Variants in ADAMTS9 observed in about 807,000 individuals in gnomAD.
The protein encoded by ADAMTS9 is A disintegrin and metalloproteinase with thrombospondin motifs 9.
A neutral mutation model predicts 257.1 loss-of-function variants in ADAMTS9; 107 were observed. The ratio of observed to expected loss-of-function variants is 0.42; its 90% CI spans 0.36 to 0.49. ADAMTS9 has a LOEUF of 0.49. Ranked by LOEUF, ADAMTS9 falls within the 20% of genes least tolerant of loss-of-function variation. The pLI, the probability that ADAMTS9 is intolerant of heterozygous loss-of-function variation, is 0.03. For missense variants in ADAMTS9, 2,353 were observed against 2,469.1 expected, an observed-to-expected ratio of 0.95 and a Z score of 1.00; for synonymous variants, 982 against 880.9, an observed-to-expected ratio of 1.11 and a Z score of -2.03.
intron 37 of ADAMTS9, among the ~76,000 whole-genome samples, chr3:64,537,806 T>A (rs1193448736): frequency 6.6e-6 from 1 of 152,216 alleles, no homozygotes; most frequent in Non-Finnish European, 1.5e-5. Flanking sequence ...ACTGGCCAAG[T>A]TCTCCTGCCC....
chr3:64,543,393 G>T (rs1208640951), intron 32 of ADAMTS9, among the ~76,000 whole-genome samples: 4 of 152,160 alleles, frequency 2.6e-5, no homozygotes, highest in Admixed American at 1.3e-4. Flanking sequence ...ACCGAATCCA[G>T]CAGCACATCA....
chr3:64,619,287 G>A (rs1559794984), intron 19 of ADAMTS9, among the ~76,000 whole-genome samples: 1 of 152,194 alleles, frequency 6.6e-6, no homozygotes, highest in East Asian at 1.9e-4. Context: ...AAGCAAGGTA[G>A]GGAACAGGGA....
intron 3 of ADAMTS9, among the ~76,000 whole-genome samples, chr3:64,662,842 T>C (rs531694051): frequency 6.6e-6 from 1 of 152,264 alleles, no homozygotes; most frequent in South Asian, 2.1e-4. Flanking sequence ...CAAAACTTTT[T>C]AAATGCTGAC....
chr3:64,646,721 C>A (rs150392160), intron 11 of ADAMTS9, among the ~76,000 whole-genome samples: 1 of 152,144 alleles, frequency 6.6e-6, no homozygotes, highest in South Asian at 2.1e-4. Flanking sequence ...TCCTCAGGAT[C>A]CTTTAACACT....
At chr3:64,545,394 G>A (rs1350781680) in intron 32 of ADAMTS9, among the ~76,000 whole-genome samples, 9 of 152,212 alleles carry the variant, frequency 5.9e-5, no homozygotes, top group Admixed American at 6.5e-5. Flanking sequence ...CTAAGAAAAT[G>A]TGGCACATAT....
intron 28 of ADAMTS9, among the ~76,000 whole-genome samples, chr3:64,585,187 TG>T (rs945532163): frequency 6.6e-5 from 10 of 152,182 alleles, no homozygotes; most frequent in Admixed American, 3.3e-4. Flanking sequence ...TCACTTAAAA[TG>T]TGTTGGCTCT....
At chr3:64,646,483 A>G (rs1475532569) in intron 11 of ADAMTS9, among the ~76,000 whole-genome samples, 2 of 152,168 alleles carry the variant, frequency 1.3e-5, no homozygotes, top group African/African-American at 4.8e-5. Context: ...CCAAAGAGAT[A>G]TATTTCCCTT....
rs545358167 is a variant in ADAMTS9, at chr3:64,637,248, A to G, written c.1857-3369T>C. On this transcript the variant is annotated intron_variant, in intron 12 of 39. Coordinates refer to ENST00000498707, the MANE Select transcript of ADAMTS9 (RefSeq NM_182920.2). Reference sequence around the variant, plus strand: ...TCATCTTTCAGCATGGAAAAAAATCATTTTATAATTTAATTATTTAGCTGA... The same window carrying G: ...TCATCTTTCAGCATGGAAAAAAATCGTTTTATAATTTAATTATTTAGCTGA... 3.3e-5 allele frequency among the ~76,000 whole-genome samples: 5 copies of G among 152,352 alleles called. No individual in the cohort carries two copies. The South Asian group carries it at 1.0e-3, about 32-fold the overall frequency.
intron 28 of ADAMTS9, among the ~76,000 whole-genome samples, chr3:64,570,813 G>C (rs765506768): frequency 1.3e-5 from 2 of 151,926 alleles, no homozygotes; most frequent in African/African-American, 2.4e-5. Flanking sequence ...TTCTGGTTTG[G>C]GCAATTGGGT....
rs146475791 is a variant in ADAMTS9, at chr3:64,645,797, T to C, written c.1710+2143A>G. Among the ~76,000 whole-genome samples the C allele has an allele frequency of 5.8e-3, 882 of 152,314 alleles. 12 individuals carry two copies. The highest frequency in any genetic ancestry group is 0.02 in the African/African-American group (835 of 41,564). On this transcript the variant is annotated intron_variant, in intron 11 of 39. Transcript: ENST00000498707. ...GGAATGCCTTGAAGGCTCCTGCTCT[T>C]GCTACAAGCACACCCACTTGCTTGT... is the stretch of plus-strand genomic sequence containing the variant.
intron 4 of ADAMTS9, among the ~76,000 whole-genome samples, chr3:64,656,833 G>C (rs1701085980): frequency 6.6e-6 from 1 of 151,890 alleles, no homozygotes. Context: ...AAAAGGCAAG[G>C]AGTACCATAG....
At position 64,622,567 on chromosome 3, in the gene ADAMTS9, A is replaced by T. The variant is rs747826924; in HGVS notation, c.2409T>A (p.Gly803=). The T allele has an allele frequency of 1.4e-5, 23 of 1,613,940 alleles. No individual in the cohort carries two copies. Among genetic ancestry groups the T allele is most frequent in the Non-Finnish European group, 1.9e-5 (23 of 1,179,970 alleles). Residue 803 remains glycine, a synonymous_variant, in exon 17 of 40, where the codon GGT becomes GGA. Coordinates refer to ENST00000498707, the MANE Select transcript of ADAMTS9 (RefSeq NM_182920.2). ...DNYLALSSSK[G]EFLLNGNFVV... is the part of the protein sequence containing the mutation. ...CAAAGTTTCCATTTAGCAAGAATTCACCTTTACTGCTTGATAAAGCTGTAG... is the reference window on the plus strand; with the variant it reads ...CAAAGTTTCCATTTAGCAAGAATTCTCCTTTACTGCTTGATAAAGCTGTAG...
At chr3:64,645,470 A>G (rs1700765456) in intron 11 of ADAMTS9, among the ~76,000 whole-genome samples, 1 of 152,188 alleles carries the variant, frequency 6.6e-6, no homozygotes, top group Non-Finnish European at 1.5e-5. Flanking sequence ...GAAAGAAGAA[A>G]AAGAAAGAAA....
intron 16 of ADAMTS9, among the ~76,000 whole-genome samples, chr3:64,623,694 A>G (rs1303001604): frequency 1.3e-5 from 2 of 152,002 alleles, no homozygotes; most frequent in Non-Finnish European, 2.9e-5. Context: ...CATATTACAT[A>G]CTCTCTATCC....
At chr3:64,527,287 T>C (rs1369257715) in intron 38 of ADAMTS9, among the ~76,000 whole-genome samples, 3 of 152,256 alleles carry the variant, frequency 2.0e-5, no homozygotes, top group African/African-American at 7.2e-5. Flanking sequence ...TGAATGAATC[T>C]CTGTTCCATT....
rs1700971864 is a variant in ADAMTS9 at position 64,653,022 on chromosome 3, C to G, written c.1316+1331G>C. Among the ~76,000 whole-genome samples, 3 of 152,214 alleles carry G rather than the reference C, an allele frequency of 2.0e-5. No homozygotes were observed. In the South Asian group the frequency reaches 6.2e-4, roughly 32 times the overall value. ...TTCCTTGCTTAAACTTGAGTCCCAT[C>G]CCCAAGATATCTCATTATGGATATG... On this transcript the variant is annotated intron_variant, in intron 8 of 39. Transcript: ENST00000498707.
chr3:64,615,468 G>T lies in ADAMTS9; in HGVS notation c.3042C>A (p.Asp1014Glu), dbSNP rs146826654. 2 of 1,613,100 alleles carry T rather than the reference G, an allele frequency of 1.2e-6. No individual in the cohort carries two copies. The highest frequency in any genetic ancestry group is 2.2e-5 in the South Asian group (2 of 90,910). Residue 1014 changes from aspartate to glutamate, a missense_variant, in exon 21 of 40, where the codon GAC becomes GAA. Coordinates refer to ENST00000498707, the MANE Select transcript of ADAMTS9 (RefSeq NM_182920.2). The stretch of plus-strand genomic sequence containing the variant: ...TAGCCCTTCTCCTCTGGGTCCCACC[G>T]TCACAGCTTTTTGAACACTGTAGGG... ...SAWTECSKSC[D>E]GGTQRRRAIC...
At chr3:64,623,922 T>C (rs900717198) in intron 16 of ADAMTS9, among the ~76,000 whole-genome samples, 1 of 152,248 alleles carries the variant, frequency 6.6e-6, no homozygotes, top group East Asian at 1.9e-4. Context: ...TCAGTGATGC[T>C]GCAAAAGTGA....
chr3:64,616,765 A>C (rs1040862971), intron 19 of ADAMTS9, among the ~76,000 whole-genome samples: 93 of 152,344 alleles, frequency 6.1e-4, no homozygotes, highest in African/African-American at 2.2e-3. Context: ...AGAATATTCT[A>C]AATAAATGAC....
Sources: allele counts gnomAD v4.1 joint callset (sites outside exome capture counted in the v4.1 genomes callset), GRCh38; gene constraint gnomAD v4.1.1; transcripts MANE v1.5; gene names NCBI Gene and HGNC (gene_info 2026-07-23, HGNC 2026-07-21).